The following TTLL4 variants were observed in gnomAD, a reference collection of about 807,000 sequenced individuals.
The protein encoded by TTLL4 is tubulin tyrosine ligase like 4, also known as tubulin monoglutamylase TTLL4.
In TTLL4, 85 loss-of-function variants were observed where a neutral mutation model predicts 122.7. The observed-to-expected ratio is 0.69, with a 90% CI of 0.58 to 0.83. The LOEUF (loss-of-function observed/expected upper bound fraction) is 0.83, where lower values mean the gene tolerates loss of function less well. Ranked by LOEUF, TTLL4 falls within the 40% of genes least tolerant of loss-of-function variation. The probability of loss-of-function intolerance (pLI) is 0.00; values close to 1 mark genes in which losing one functional copy is unlikely to be tolerated. For missense variants in TTLL4, 1,363 were observed against 1,488.6 expected (o/e 0.92, Z 1.39); for synonymous variants, 553 against 563.0 (o/e 0.98, Z 0.25).
In TTLL4 at chr2:218,752,991, C is replaced by T; in HGVS notation, c.3187+18C>T. ...GCTTAAAGGTGATGTGCCCTCCCTGCCCTCAGAAAGCCAAGTTTAGTGAGA... is the reference window on the plus strand; with the variant it reads ...GCTTAAAGGTGATGTGCCCTCCCTGTCCTCAGAAAGCCAAGTTTAGTGAGA... On this transcript the variant is annotated intron_variant, in intron 17 of 19. Coordinates refer to ENST00000392102, the MANE Select transcript of TTLL4 (RefSeq NM_014640.5). 3 of 1,614,156 alleles carry T rather than the reference C, an allele frequency of 1.9e-6. No homozygotes were observed. The highest frequency in any genetic ancestry group is 2.5e-6 in the Non-Finnish European group (3 of 1,179,986).
At chr2:218,741,839 T>C (rs1942710572) in intron 5 of TTLL4, among the ~76,000 whole-genome samples, 2 of 152,218 alleles carry the variant, frequency 1.3e-5, no homozygotes, top group Admixed American at 6.5e-5. Flanking sequence ...TCCTGATATA[T>C]AAGATAAAAT....
chr2:218,753,292 C>G lies in TTLL4; in HGVS notation c.3258+107C>G. The stretch of plus-strand genomic sequence containing the variant: ...GTATGTATAGGCCTCTCTCACTTCT[C>G]CGCTAGGCTCTGCTTCTGTCTCACC... On this transcript the variant is annotated intron_variant, in intron 18 of 19. Coordinates refer to ENST00000392102, the MANE Select transcript of TTLL4 (RefSeq NM_014640.5). 3 of 1,183,448 alleles carry G rather than the reference C, an allele frequency of 2.5e-6. No individual in the cohort carries two copies. In the South Asian group the frequency reaches 3.7e-5, roughly 14 times the overall value. The allele number at this position is 1,183,448 out of a possible 1,614,324, so 73.3% of individuals were successfully genotyped here.
chr2:218,753,925 C>G (rs1439862803), intron 19 of TTLL4, among the ~76,000 whole-genome samples: 1 of 152,202 alleles, frequency 6.6e-6, no homozygotes. Flanking sequence ...ATTGTTAGCC[C>G]TCTACCCGCA....
intron 12 of TTLL4, 156 bp from the exon 13 acceptor site, chr2:218,748,680 T>C (rs1382381065): frequency 1.3e-5 from 7 of 528,964 alleles, no homozygotes; most frequent in Admixed American, 3.4e-5. Context: ...AAAAAAGAAT[T>C]GGTCTATTTG....
chr2:218,750,139 A>G lies in TTLL4; in HGVS notation c.2866A>G (p.Thr956Ala). The change falls in exon 15 of 20, where the codon ACC becomes GCC. Residue 956 changes from threonine (T) to alanine (A), a missense_variant. Transcript: ENST00000392102. ...CAGCCCCAGCAGCTGCAGCAGCTCC[A>G]CCACCAGGTGAGGCCCCTATTTCTT... is the stretch of plus-strand genomic sequence containing the variant. ...ISSPSSCSSS[T>A]TSLPTSPGDK... The G allele has an allele frequency of 6.2e-7, 1 of 1,613,736 alleles. No individual in the cohort carries two copies. The highest frequency in any genetic ancestry group is 1.1e-5 in the South Asian group (1 of 91,070).
Position 218,753,456 on chromosome 2 carries a change from C to A in TTLL4, c.3259-128C>A. On this transcript the variant is annotated intron_variant, in intron 18 of 19. Transcript: ENST00000392102. ...AGACTTTTACCCACCTGGGCCCATGCCTGAGGGGTAGGGAAGGGGAGAACC... is the reference window on the plus strand; with the variant it reads ...AGACTTTTACCCACCTGGGCCCATGACTGAGGGGTAGGGAAGGGGAGAACC... 3.0e-6 allele frequency: 3 copies of A among 1,001,532 alleles called. No individual in the cohort carries two copies. In the Admixed American group the frequency reaches 5.4e-5, roughly 18 times the overall value. 62.0% of individuals were successfully genotyped at this position (1,001,532 alleles called of 1,614,324 possible). A position where few individuals can be genotyped will look rare whatever the true frequency, so the allele number is the denominator to read the frequency against.
chr2:218,752,890 A>G lies in TTLL4; in HGVS notation c.3104A>G (p.Tyr1035Cys), dbSNP rs751130147. The G allele has an allele frequency of 8.7e-6, 14 of 1,613,874 alleles. No individual in the cohort carries two copies. The highest frequency in any genetic ancestry group is 1.2e-5 in the Non-Finnish European group (14 of 1,180,006). The change falls in exon 17 of 20, where the codon TAT becomes TGT. Residue 1035 changes from tyrosine (Y) to cysteine (C), a missense_variant. Coordinates refer to ENST00000392102, the MANE Select transcript of TTLL4 (RefSeq NM_014640.5). ...TTTCCTTCTCATATCTCCTCTCGCTATCTCCGCTTTTTTGAGCAGCCACGA... is the reference window on the plus strand; with the variant it reads ...TTTCCTTCTCATATCTCCTCTCGCTGTCTCCGCTTTTTTGAGCAGCCACGA... ...RIFPSHISSRYLRFFEQPRYF... is the reference protein window; with the variant it reads ...RIFPSHISSRCLRFFEQPRYF...
chr2:218,738,768 G>A lies in TTLL4; in HGVS notation c.1092G>A (p.Leu364=), dbSNP rs746331015. 6.2e-7 allele frequency: 1 copy of A among 1,614,186 alleles called. No individual in the cohort carries two copies. The highest frequency in any genetic ancestry group is 8.5e-7 in the Non-Finnish European group (1 of 1,180,028). The change falls in exon 3 of 20, where the codon CTG becomes CTA. Residue 364 remains leucine, a synonymous_variant. Coordinates refer to ENST00000392102, the MANE Select transcript of TTLL4 (RefSeq NM_014640.5). The part of the protein sequence containing the change: ...QGCQLEQSSF[L]NPSFQWNVLN... ...GCCAGCTTGAACAGTCTAGTTTCCT[G>A]AACCCCAGCTTCCAGTGGAATGTCC...
At chr2:218,746,855 A>G in intron 8 of TTLL4, 148 bp from the exon 9 acceptor site, 1 of 772,172 alleles carries the variant, frequency 1.3e-6, no homozygotes, top group Non-Finnish European at 2.0e-6. Flanking sequence ...GCAGTTGGAT[A>G]CTTGAGGACC....
rs560611440 is a variant in TTLL4, at chr2:218,721,500, GTAAA to G, written c.-177-5766_-177-5763del. On this transcript the variant is annotated intron_variant, in intron 1 of 19. Transcript: ENST00000392102. ...CTGTGAGATCTGATGCTATCTTTAG[GTAAA>G]TAGTGTCAGAATTGAATTATAGGAT... is the stretch of plus-strand genomic sequence containing the variant. Among the ~76,000 whole-genome samples, 10 of 152,312 alleles carry G rather than the reference GTAAA, an allele frequency of 6.6e-5. No individual in the cohort carries two copies. The South Asian group carries it at 2.1e-3, about 32-fold the overall frequency.
chr2:218,746,312 G>A (rs1174340726), intron 8 of TTLL4, 81 bp downstream of exon 8: 2 of 1,471,786 alleles, frequency 1.4e-6, no homozygotes, highest in Non-Finnish European at 1.9e-6. Context: ...TAGGGGGTAG[G>A]GGGCGGGAAG....
At position 218,750,165 on chromosome 2, in the gene TTLL4, C is replaced by T. The variant is rs200453830; in HGVS notation, c.2873+19C>T. 2.6e-4 allele frequency: 418 copies of T among 1,612,010 alleles called. No homozygotes were observed. Among genetic ancestry groups the T allele is most frequent in the Non-Finnish European group, 3.2e-4 (374 of 1,179,286 alleles). ...CCACCAGGTGAGGCCCCTATTTCTT[C>T]ACAGCTCTGCTGGCAGCATGAGTAG... On this transcript the variant is annotated intron_variant, in intron 15 of 19. Coordinates refer to ENST00000392102, the MANE Select transcript of TTLL4 (RefSeq NM_014640.5).
In TTLL4 at chr2:218,751,781, A is replaced by G. The variant is rs1943020994; in HGVS notation, c.2951A>G (p.Tyr984Cys). The G allele has an allele frequency of 1.9e-6, 3 of 1,612,538 alleles. No individual in the cohort carries two copies. Among genetic ancestry groups the G allele is most frequent in the Non-Finnish European group, 2.5e-6 (3 of 1,179,128 alleles). ...VTAQKMKKAY[Y>C]LTQKIPDQDF... is the part of the protein sequence containing the mutation. ...GCACAGAAGATGAAGAAAGCCTATTATCTGACCCAGAAAATTCCTGATCAG... is the reference window on the plus strand; with the variant it reads ...GCACAGAAGATGAAGAAAGCCTATTGTCTGACCCAGAAAATTCCTGATCAG... The change falls in exon 16 of 20, where the codon TAT becomes TGT. Residue 984 changes from tyrosine to cysteine, a missense_variant. Coordinates refer to ENST00000392102, the MANE Select transcript of TTLL4 (RefSeq NM_014640.5).
chr2:218,726,408 C>A (rs902145542), intron 1 of TTLL4, among the ~76,000 whole-genome samples: 2 of 152,046 alleles, frequency 1.3e-5, no homozygotes, highest in African/African-American at 4.8e-5. Context: ...TTTGGTGTTC[C>A]CTGATCTTCT....
chr2:218,724,984 C>T (rs534560904), intron 1 of TTLL4, among the ~76,000 whole-genome samples: 2 of 152,030 alleles, frequency 1.3e-5, no homozygotes, highest in South Asian at 2.1e-4. Context: ...ACTGCAGTCT[C>T]GACTTCTTGG....
intron 1 of TTLL4, among the ~76,000 whole-genome samples, chr2:218,715,194 C>T (rs896205847): frequency 2.6e-5 from 4 of 152,170 alleles, no homozygotes; most frequent in Admixed American, 6.5e-5. Context: ...TCATATGTTT[C>T]TCCAGTCTAT....
chr2:218,711,676 G>T (rs994501431), intron 1 of TTLL4, among the ~76,000 whole-genome samples: 1 of 152,066 alleles, frequency 6.6e-6, no homozygotes, highest in Non-Finnish European at 1.5e-5. Flanking sequence ...TTACAGTCTA[G>T]GAGATTATTA....
intron 1 of TTLL4, among the ~76,000 whole-genome samples, chr2:218,725,527 T>C (rs1206706124): frequency 1.3e-5 from 2 of 152,192 alleles, no homozygotes; most frequent in Non-Finnish European, 2.9e-5. Flanking sequence ...GCGTTTTAAC[T>C]ATTTGTGTCT....
chr2:218,733,841 G>A (rs1182961845), intron 2 of TTLL4, among the ~76,000 whole-genome samples: 1 of 152,230 alleles, frequency 6.6e-6, no homozygotes, highest in Admixed American at 6.5e-5. Context: ...GTGGTGGGAT[G>A]TAGCAAGGCA....
Sources: gnomAD v4.1 joint callset for allele counts (sites outside exome capture counted in the v4.1 genomes callset) on GRCh38, gnomAD v4.1.1 for gene constraint, MANE v1.5 for transcripts, NCBI Gene and HGNC (gene_info 2026-07-23, HGNC 2026-07-21) for gene names.